Variants in FGFRL1 observed in about 807,000 individuals in gnomAD.
FGFRL1 encodes fibroblast growth factor receptor-like 1.
FGFRL1 carries 24 observed loss-of-function variants against 36.8 expected under a neutral mutation model. The observed-to-expected ratio is 0.65, with a 90% CI of 0.47 to 0.92. The LOEUF is 0.92. FGFRL1 is among the 40% of genes least tolerant of loss of function. The pLI, the probability that FGFRL1 is intolerant of heterozygous loss-of-function variation, is 0.00. For synonymous variants in FGFRL1, 422 were observed against 344.1 expected, an observed-to-expected ratio of 1.23 and a Z score of -2.50; for missense variants, 785 against 753.4, an observed-to-expected ratio of 1.04 and a Z score of -0.49.
Position 1,026,815 on chromosome 4 carries a change from T to C in FGFRL1, c.*1468T>C, listed in dbSNP as rs1195550739. On this transcript the variant is annotated 3_prime_UTR_variant, in exon 7 of 7. Transcript: ENST00000510644. ...CCCACTGTCGTGGTGGCCCCAGATC[T>C]CTGTAATTTTATGTAGAGTTTGAGC... The C allele has an allele frequency of 4.4e-6, 2 of 455,198 alleles. No individual in the cohort carries two copies. Among genetic ancestry groups the C allele is most frequent in the East Asian group, 7.0e-5 (1 of 14,372 alleles). The allele number at this position is 455,198 out of a possible 1,614,324, so 28.2% of individuals were successfully genotyped here. A position where few individuals can be genotyped will look rare whatever the true frequency, so the allele number is the denominator to read the frequency against.
Position 1,011,812 on chromosome 4 carries a change from C to T in FGFRL1, c.-159C>T, listed in dbSNP as rs1389858676. The T allele has an allele frequency of 4.2e-5, 6 of 143,886 alleles. No individual in the cohort carries two copies. The highest frequency in any genetic ancestry group is 2.0e-4 in the South Asian group (1 of 5,000). 8.9% of individuals were successfully genotyped at this position (143,886 alleles called of 1,614,324 possible). A position where few individuals can be genotyped will look rare whatever the true frequency, so the allele number is the denominator to read the frequency against. On this transcript the variant is annotated 5_prime_UTR_variant, in exon 1 of 7. Transcript: ENST00000510644. ...CCCGACCCGGCCCGAGCCGCCCGCG[C>T]CCAGGTAGCGCCGCCCCGCCCCGAG...
At chr4:1,014,785 C>T (rs1715798332) in intron 2 of FGFRL1, among the ~76,000 whole-genome samples, 1 of 152,210 alleles carries the variant, frequency 6.6e-6, no homozygotes, top group South Asian at 2.1e-4. Context: ...GGCCCAGCCC[C>T]TGCAAGGTGG....
In FGFRL1 at chr4:1,022,357, C is replaced by T. The variant is rs61733101; in HGVS notation, c.234C>T (p.Arg78=). ...RTIHSGWSRF[R]VLPQGLKVKQ... ...TCCACAGCGGCTGGAGCCGCTTCCGCGTGCTGCCGCAGGGGCTGAAGGTGA... is the reference window on the plus strand; with the variant it reads ...TCCACAGCGGCTGGAGCCGCTTCCGTGTGCTGCCGCAGGGGCTGAAGGTGA... Residue 78 remains arginine, a synonymous_variant, in exon 3 of 7, where the codon CGC becomes CGT. Transcript: ENST00000510644. The T allele has an allele frequency of 1.7e-5, 27 of 1,608,106 alleles. No homozygotes were observed. The highest frequency in any genetic ancestry group is 4.0e-5 in the African/African-American group (3 of 74,836).
At position 1,022,432 on chromosome 4, in the gene FGFRL1, C is replaced by T. The variant is rs752971788; in HGVS notation, c.309C>T (p.Asn103=). The T allele has an allele frequency of 2.2e-5, 35 of 1,609,986 alleles. No individual in the cohort carries two copies. Among genetic ancestry groups the T allele is most frequent in the Admixed American group, 1.8e-4 (11 of 59,824 alleles). The change falls in exon 3 of 7, where the codon AAC becomes AAT. Residue 103 remains asparagine, a synonymous_variant. Coordinates refer to ENST00000510644, the MANE Select transcript of FGFRL1 (RefSeq NM_001004356.3). ...DAGVYVCKAT[N]GFGSLSVNYT... is the part of the protein sequence containing the mutation. ...GCGTGTACGTGTGCAAGGCCACCAA[C>T]GGCTTCGGCAGCCTGAGCGTCAACT... is the stretch of plus-strand genomic sequence containing the variant.
At chr4:1,016,382 CCTGGTGAGGT>C (rs1409295377) in intron 2 of FGFRL1, among the ~76,000 whole-genome samples, 2 of 152,084 alleles carry the variant, frequency 1.3e-5, no homozygotes, top group Non-Finnish European at 2.9e-5. Flanking sequence ...GCTGGGTGGG[CCTGGTGAGGT>C]CTGGACTGGG....
rs201858459 is a variant in FGFRL1, at chr4:1,025,770, G to C, written c.*423G>C. On this transcript the variant is annotated 3_prime_UTR_variant, in exon 7 of 7. Coordinates refer to ENST00000510644, the MANE Select transcript of FGFRL1 (RefSeq NM_001004356.3). Reference sequence around the variant, plus strand: ...GGATATGCTGTCTGGACGCACACACGTGCAGATATGGTATCCGGACACACA... The same window carrying C: ...GGATATGCTGTCTGGACGCACACACCTGCAGATATGGTATCCGGACACACA... 8.1e-6 allele frequency: 2 copies of C among 246,082 alleles called. No individual in the cohort carries two copies. The highest frequency in any genetic ancestry group is 7.6e-6 in the Non-Finnish European group (1 of 131,212). 15.2% of individuals were successfully genotyped at this position (246,082 alleles called of 1,614,324 possible). A position where few individuals can be genotyped will look rare whatever the true frequency, so the allele number is the denominator to read the frequency against.
At chr4:1,024,732 A>C in intron 6 of FGFRL1, 68 bp downstream of exon 6, 1 of 1,491,042 alleles carries the variant, frequency 6.7e-7, no homozygotes, top group Non-Finnish European at 9.0e-7. Context: ...CCGGCGTCCC[A>C]CCCACCGGGT....
chr4:1,024,328 C>T lies in FGFRL1; in HGVS notation c.736C>T (p.Pro246Ser). The change falls in exon 6 of 7, where the codon CCC (proline) becomes TCC (serine). Residue 246 changes from proline to serine, a missense_variant. Physicochemically the swap from Pro to Ser is moderately conservative, Grantham distance 74 (BLOSUM62 -1). Transcript: ENST00000510644. ...VDVIQRTRSK[P>S]VLTGTHPVNT... ...TCCCACAGAGCGGACCCGTTCCAAG[C>T]CCGTGCTCACAGGCACGCACCCCGT... The T allele has an allele frequency of 6.2e-7, 1 of 1,605,112 alleles. No homozygotes were observed. The highest frequency in any genetic ancestry group is 8.5e-7 in the Non-Finnish European group (1 of 1,175,222).
At position 1,025,760 on chromosome 4, in the gene FGFRL1, A is replaced by T. The variant is rs1716488536; in HGVS notation, c.*413A>T. 1 of 271,382 alleles carries T rather than the reference A, an allele frequency of 3.7e-6. No individual in the cohort carries two copies. Among genetic ancestry groups the T allele is most frequent in the Non-Finnish European group, 7.1e-6 (1 of 141,420 alleles). The allele number at this position is 271,382 out of a possible 1,614,324, so 16.8% of individuals were successfully genotyped here. A position where few individuals can be genotyped will look rare whatever the true frequency, so the allele number is the denominator to read the frequency against. Reference sequence around the variant, plus strand: ...ACACACACACGGATATGCTGTCTGGACGCACACACGTGCAGATATGGTATC... The same window carrying T: ...ACACACACACGGATATGCTGTCTGGTCGCACACACGTGCAGATATGGTATC... On this transcript the variant is annotated 3_prime_UTR_variant, in exon 7 of 7. Coordinates refer to ENST00000510644, the MANE Select transcript of FGFRL1 (RefSeq NM_001004356.3).
At chr4:1,012,690 G>T (rs980278057) in intron 2 of FGFRL1, 126 bp downstream of exon 2, 2 of 424,750 alleles carry the variant, frequency 4.7e-6, no homozygotes, top group Non-Finnish European at 8.1e-6. Flanking sequence ...CGCCCCGCTC[G>T]CCAGGCCCCC....
chr4:1,023,615 C>G lies in FGFRL1; in HGVS notation c.353-26C>G. The G allele has an allele frequency of 6.3e-7, 1 of 1,577,082 alleles. No individual in the cohort carries two copies. The highest frequency in any genetic ancestry group is 8.6e-7 in the Non-Finnish European group (1 of 1,162,898). Reference sequence around the variant, plus strand: ...CCTCAGGGCCCCCCTCACCTGCCCTCCCTGTGCACCTCCGTCTCTCTGCAG... The same window carrying G: ...CCTCAGGGCCCCCCTCACCTGCCCTGCCTGTGCACCTCCGTCTCTCTGCAG... On this transcript the variant is annotated intron_variant, in intron 3 of 6. Coordinates refer to ENST00000510644, the MANE Select transcript of FGFRL1 (RefSeq NM_001004356.3). The surrounding 1 kb of genome is among the most constrained non-coding windows in gnomAD (Gnocchi z 6.0).
chr4:1,025,572 G>GGCACACGTACGC lies in FGFRL1; in HGVS notation c.*226_*237dup. ...CATGCGCGCACACGTGCTCCCTGAA[G>GGCACACGTACGC]GCACACGTACGCACACACGCACATG... On this transcript the variant is annotated 3_prime_UTR_variant, in exon 7 of 7. Transcript: ENST00000510644. The GGCACACGTACGC allele has an allele frequency of 1.6e-6, 1 of 622,226 alleles. No homozygotes were observed. The allele number at this position is 622,226 out of a possible 1,614,324, so 38.5% of individuals were successfully genotyped here.
chr4:1,010,455 C>G (rs1455384921), upstream of FGFRL1, among the ~76,000 whole-genome samples: 1 of 152,264 alleles, frequency 6.6e-6, no homozygotes, highest in Non-Finnish European at 1.5e-5. Flanking sequence ...ACCCTGACAG[C>G]TGGCGCCCCC....
intron 2 of FGFRL1, 95 bp downstream of exon 2, chr4:1,012,659 C>A (rs376374030): frequency 6.0e-6 from 3 of 497,596 alleles, no homozygotes; most frequent in Admixed American, 4.5e-5. Flanking sequence ...CCGCCTGGCA[C>A]GCGCCATGCC....
chr4:1,012,224 C>T (rs1715626252), intron 1 of FGFRL1: 2 of 447,446 alleles, frequency 4.5e-6, no homozygotes, highest in South Asian at 6.6e-5. Flanking sequence ...GCCGGAGTTA[C>T]AAGCGCCAGG....
At chr4:1,024,711 G>C in intron 6 of FGFRL1, 47 bp downstream of exon 6, 2 of 1,523,776 alleles carry the variant, frequency 1.3e-6, no homozygotes, top group African/African-American at 1.4e-5. Flanking sequence ...GCCCGGACCC[G>C]CCCCCTGGGC....
rs544071043 is a variant in FGFRL1, at chr4:1,017,379, C to G, written c.79+4815C>G. The stretch of plus-strand genomic sequence containing the variant: ...GGGGGCCACACAGCCAGCTCCTCAG[C>G]GGTCAGCTCCACCTGCCCCTCCCTC... On this transcript the variant is annotated intron_variant, in intron 2 of 6. Coordinates refer to ENST00000510644, the MANE Select transcript of FGFRL1 (RefSeq NM_001004356.3). Among the ~76,000 whole-genome samples, 543 of 152,288 alleles carry G rather than the reference C, an allele frequency of 3.6e-3. 2 individuals are homozygous for G. Among genetic ancestry groups the G allele is most frequent in the Non-Finnish European group, 5.9e-3 (404 of 68,010 alleles).
At chr4:1,012,729 C>G (rs918945885) in intron 2 of FGFRL1, among the ~76,000 whole-genome samples, 165 bp downstream of exon 2, 1 of 152,336 alleles carries the variant, frequency 6.6e-6, no homozygotes, top group African/African-American at 2.4e-5. Flanking sequence ...CACCCATGGG[C>G]TGTCCACAGC....
chr4:1,011,258 C>T (rs1039444019), upstream of FGFRL1: 1 of 152,302 alleles, frequency 6.6e-6, no homozygotes, highest in East Asian at 1.9e-4. Flanking sequence ...GGAGGTGTCT[C>T]GAGAGTTGAG....
Sources: allele counts gnomAD v4.1 joint callset (sites outside exome capture counted in the v4.1 genomes callset), GRCh38; gene constraint gnomAD v4.1.1; non-coding constraint Gnocchi (gnomAD v3.1); transcripts MANE v1.5; gene names NCBI Gene and HGNC (gene_info 2026-07-23, HGNC 2026-07-21).